GABRA3: variants seen among roughly 807,000 people sequenced by gnomAD.
The protein encoded by GABRA3 is gamma-aminobutyric acid receptor subunit alpha-3.
A neutral mutation model predicts 30.1 loss-of-function variants in GABRA3; 10 were observed. That is an observed-to-expected ratio of 0.33 (90% confidence interval 0.20 to 0.56). The LOEUF is 0.56. GABRA3 is among the 20% of genes least tolerant of loss of function. GABRA3 has a pLI of 0.89. For synonymous variants in GABRA3, 151 were observed against 146.8 expected, an observed-to-expected ratio of 1.03 and a Z score of -0.21; for missense variants, 233 against 392.0, an observed-to-expected ratio of 0.59 and a Z score of 3.42.
At chrX:152,315,969 C>CCCCCCCCCCCCCCCCCCCCCCCCTG (rs1939869195) in intron 3 of GABRA3, among the ~76,000 whole-genome samples, 1 of 30,842 alleles carries the variant, frequency 3.2e-5, no homozygotes, top group Non-Finnish European at 5.4e-5. Flanking sequence ...GCCCGCCCCC[C>CCCCCCCCCCCCCCCCCCCCCCCCTG]GACCCCCCCC....
At chrX:152,399,502 T>A (rs1225403500) in intron 1 of GABRA3, among the ~76,000 whole-genome samples, 1 of 111,671 alleles carries the variant, frequency 9.0e-6, no homozygotes, top group Admixed American at 9.6e-5. Flanking sequence ...CTAGAAAATA[T>A]GAAAGTAGTT....
chrX:152,277,348 T>C (rs1461906069), intron 4 of GABRA3, among the ~76,000 whole-genome samples: 2 of 111,646 alleles, frequency 1.8e-5, no homozygotes, highest in Non-Finnish European at 3.8e-5. Context: ...GTATGTTATC[T>C]GAATCTGTTA....
chrX:152,255,500 C>T (rs111609394), intron 5 of GABRA3, among the ~76,000 whole-genome samples: 1,620 of 111,447 alleles, frequency 0.015, 31 homozygotes, highest in African/African-American at 0.05. Flanking sequence ...CTGTGTTAGT[C>T]CACATGTGTC....
chrX:152,284,781 G>C (rs1353768994), intron 3 of GABRA3, 46 bp from the exon 4 acceptor site: 1 of 972,471 alleles, frequency 1.0e-6, no homozygotes, highest in Admixed American at 2.3e-5. Context: ...AAAGGCTTTT[G>C]TCTTAGCTCA....
chrX:152,353,506 T>C (rs1266845726), intron 2 of GABRA3, among the ~76,000 whole-genome samples: 1 of 111,754 alleles, frequency 8.9e-6, no homozygotes, highest in African/African-American at 3.2e-5. Flanking sequence ...ACTGTAACCA[T>C]AGTGCCAATG....
At chrX:152,326,203 G>A (rs965096961) in intron 3 of GABRA3, among the ~76,000 whole-genome samples, 10 of 111,558 alleles carry the variant, frequency 9.0e-5, no homozygotes, top group Non-Finnish European at 1.5e-4. Flanking sequence ...ATGGGACTAC[G>A]TGAAAAGACC....
At chrX:152,391,498 A>T (rs1379006970) in intron 1 of GABRA3, among the ~76,000 whole-genome samples, 1 of 111,492 alleles carries the variant, frequency 9.0e-6, no homozygotes. Context: ...TGGCAATGGT[A>T]GGAGACACCA....
chrX:152,221,078 A>C, intron 6 of GABRA3, among the ~76,000 whole-genome samples: 1 of 111,337 alleles, frequency 9.0e-6, no homozygotes, highest in East Asian at 2.8e-4. Flanking sequence ...TGATCTTCTA[A>C]TAAAGAAAAT....
intron 5 of GABRA3, among the ~76,000 whole-genome samples, chrX:152,255,084 G>C (rs1938615583): frequency 2.7e-5 from 3 of 110,956 alleles, no homozygotes; most frequent in South Asian, 7.6e-4. Flanking sequence ...AGTTGGAAAA[G>C]TATGAAATAT....
At chrX:152,199,092 G>T (rs1376968285) in intron 7 of GABRA3, among the ~76,000 whole-genome samples, 2 of 111,310 alleles carry the variant, frequency 1.8e-5, no homozygotes, top group African/African-American at 6.5e-5. Flanking sequence ...GCTGGGTGCG[G>T]TGGCTCAAGC....
intron 1 of GABRA3, among the ~76,000 whole-genome samples, chrX:152,364,897 C>T (rs745674090): frequency 9.0e-6 from 1 of 111,567 alleles, no homozygotes; most frequent in African/African-American, 3.3e-5. Flanking sequence ...GAGGTTACTG[C>T]AACATCTCTT....
At chrX:152,232,695 AT>A (rs1938108591) in intron 5 of GABRA3, among the ~76,000 whole-genome samples, 2 of 108,141 alleles carry the variant, frequency 1.8e-5, no homozygotes, top group Admixed American at 2.0e-4. Context: ...ACATATATAT[AT>A]AATTTTATTT....
chrX:152,393,404 C>T (rs1179326861), intron 1 of GABRA3: 2 of 372,837 alleles, frequency 5.4e-6, no homozygotes, highest in Non-Finnish European at 1.1e-5. Context: ...ATGCATAAAA[C>T]ACTATTTCCC....
chrX:152,315,711 C>A (rs1009405460), intron 3 of GABRA3, among the ~76,000 whole-genome samples: 2 of 110,486 alleles, frequency 1.8e-5, no homozygotes, highest in African/African-American at 6.6e-5. Flanking sequence ...CTGGGTGAGG[C>A]CTGTAACTGC....
intron 4 of GABRA3, among the ~76,000 whole-genome samples, chrX:152,269,689 A>G (rs1207696994): frequency 8.9e-6 from 1 of 111,982 alleles, no homozygotes; most frequent in Non-Finnish European, 1.9e-5. Context: ...ATAAATCCAC[A>G]CATTTACAGA....
intron 9 of GABRA3, among the ~76,000 whole-genome samples, chrX:152,179,090 G>C (rs1183875008): frequency 2.7e-5 from 3 of 111,696 alleles, no homozygotes; most frequent in Non-Finnish European, 5.6e-5. Context: ...AACTGGACTG[G>C]TTCCTTTGCA....
chrX:152,272,446 G>A (rs745626395), intron 4 of GABRA3, among the ~76,000 whole-genome samples: 28 of 112,610 alleles, frequency 2.5e-4, no homozygotes, highest in African/African-American at 8.0e-4. Flanking sequence ...TTTATCCAGC[G>A]CCTGTACCCC....
intron 5 of GABRA3, among the ~76,000 whole-genome samples, chrX:152,231,749 AG>A (rs1443343083): frequency 8.9e-6 from 1 of 111,958 alleles, no homozygotes; most frequent in Admixed American, 9.5e-5. Context: ...AATAGATAAA[AG>A]GTGGAAACAA....
intron 2 of GABRA3, among the ~76,000 whole-genome samples, chrX:152,346,047 T>C (rs1940387712): frequency 8.9e-6 from 1 of 111,769 alleles, no homozygotes; most frequent in African/African-American, 3.3e-5. Context: ...TTGTGTTGCA[T>C]GATTAAACAG....
Sources: allele counts gnomAD v4.1 joint callset (sites outside exome capture counted in the v4.1 genomes callset), GRCh38; gene constraint gnomAD v4.1.1; transcripts MANE v1.5; gene names NCBI Gene and HGNC (gene_info 2026-07-23, HGNC 2026-07-21).